Variants in NAV1 observed in about 807,000 individuals in gnomAD.
NAV1 encodes pore membrane and/or filament interacting like protein 3.
Under a neutral mutation model 175.2 loss-of-function variants are expected in NAV1, and 18 were observed. That is an observed-to-expected ratio of 0.10 (90% CI 0.07 to 0.15). The LOEUF (loss-of-function observed/expected upper bound fraction) is 0.15. Ranked by LOEUF, NAV1 falls within the 10% of genes least tolerant of loss-of-function variation. The probability of loss-of-function intolerance (pLI) is 1.00; values close to 1 mark genes in which losing one functional copy is unlikely to be tolerated. For missense variants in NAV1, 1,731 were observed against 2,436.6 expected (o/e 0.71, Z 6.10); for synonymous variants, 897 against 978.7 (o/e 0.92, Z 1.56).
In NAV1 at chr1:201,782,586, C is replaced by T. The variant is rs142676871; in HGVS notation, c.2074C>T (p.Arg692Cys). ...CGTGACCGGCGGGCGGGGTGGACCT[C>T]GCCCTGTGAGCAGCAGCATTGACCC... is the stretch of plus-strand genomic sequence containing the variant. The change falls in exon 6 of 30, where the codon CGC becomes TGC. Residue 692 changes from arginine to cysteine, a missense_variant. By Grantham distance (180) the Arg-to-Cys change is radical. This residue lies in a region of NAV1 where 634 missense variants were observed against 766.8 expected (regional missense o/e 0.83). Coordinates refer to ENST00000367296, the Ensembl canonical transcript of NAV1. The surrounding 1 kb of genome is among the most constrained non-coding windows in gnomAD (Gnocchi z 5.4). The T allele has an allele frequency of 9.3e-6, 15 of 1,612,856 alleles. No individual in the cohort carries two copies. Among genetic ancestry groups the T allele is most frequent in the African/African-American group, 4.0e-5 (3 of 74,870 alleles).
At chr1:201,563,348 AT>A (rs1330923787) in intron 1 of NAV1, among the ~76,000 whole-genome samples, 5 of 151,652 alleles carry the variant, frequency 3.3e-5, no homozygotes, top group African/African-American at 7.3e-5. Context: ...ACCCAACACG[AT>A]TTTTTTTCTG....
chr1:201,690,698 T>C (rs1382882147), intron 1 of NAV1, among the ~76,000 whole-genome samples: 1 of 151,610 alleles, frequency 6.6e-6, no homozygotes, highest in East Asian at 1.9e-4. Flanking sequence ...GCAGTGTGTG[T>C]GTCTGTTTCC....
At chr1:201,551,561 C>T (rs890019100) in intron 1 of NAV1, among the ~76,000 whole-genome samples, 36 of 152,178 alleles carry the variant, frequency 2.4e-4, no homozygotes, top group African/African-American at 8.7e-4. Context: ...TAGAACTTAA[C>T]CACAGACATC....
rs112463340 is a variant in NAV1, at chr1:201,780,633, G to C, written c.1365+74G>C. 8.9e-4 allele frequency: 1,402 copies of C among 1,573,490 alleles called. 19 individuals are homozygous for C. The African/African-American group carries it at 0.017, about 19-fold the overall frequency. The stretch of plus-strand genomic sequence containing the variant: ...GGGCAAATGGCATTATCTGTGTATG[G>C]GGTTGCACGTACACACCCACTCCAT... On this transcript the variant is annotated intron_variant, in intron 4 of 29. Transcript: ENST00000367296.
chr1:201,809,819 C>T, intron 22 of NAV1, 127 bp from the exon 27 acceptor site: 1 of 961,868 alleles, frequency 1.0e-6, no homozygotes, highest in Non-Finnish European at 1.5e-6. Flanking sequence ...AGAAATGCTA[C>T]CTAGGAAAAG....
intron 1 of NAV1, chr1:201,673,964 G>A (rs1889943): frequency 0.35 from 53,201 of 152,044 alleles, 9,629 homozygotes; most frequent in Admixed American, 0.47. Flanking sequence ...GCCTTGAAGC[G>A]GCAACCAAAG....
At chr1:201,780,280 A>G in intron 3 of NAV1, 141 bp from the exon 8 acceptor site, 1 of 847,406 alleles carries the variant, frequency 1.2e-6, no homozygotes, top group Non-Finnish European at 1.8e-6. Flanking sequence ...GTTGCTGACA[A>G]ACCTAGGACA....
intron 1 of NAV1, among the ~76,000 whole-genome samples, chr1:201,566,326 C>T (rs1386902297): frequency 3.3e-5 from 5 of 152,042 alleles, no homozygotes; most frequent in African/African-American, 1.2e-4. Flanking sequence ...AGGAAGGCTT[C>T]CCCCTGAGCC....
rs1676404745 is a variant in NAV1 at position 201,782,630 on chromosome 1, G to C, written c.2118G>C (p.Lys706Asn). 6.2e-7 allele frequency: 1 copy of C among 1,614,122 alleles called. No individual in the cohort carries two copies. The highest frequency in any genetic ancestry group is 8.5e-7 in the Non-Finnish European group (1 of 1,180,028). The change falls in exon 6 of 30, where the codon AAG becomes AAC. Residue 706 changes from lysine (K) to asparagine (N), a missense_variant. Physicochemically the swap from Lys to Asn is moderately conservative, Grantham distance 94. Around this residue, in one of 13 missense-constraint regions of NAV1, gnomAD observed 634 missense variants for 766.8 expected, o/e 0.83. Coordinates refer to ENST00000367296, the Ensembl canonical transcript of NAV1. This position sits in a 1 kb window ranked among gnomAD's most constrained non-coding sequence, Gnocchi z 5.4. ...TTGACCCCAGTCTCCTCAGCACCAA[G>C]CAGGGAGGCCTTACGCCTTCCAGAC...
intron 1 of NAV1, among the ~76,000 whole-genome samples, chr1:201,662,686 C>T (rs1371479083): frequency 2.6e-5 from 4 of 152,176 alleles, no homozygotes; most frequent in African/African-American, 9.7e-5. Context: ...CCATAGATGA[C>T]CAGTAAAGCT....
chr1:201,758,388 C>T (rs1369400830), intron 3 of NAV1, among the ~76,000 whole-genome samples: 1 of 152,220 alleles, frequency 6.6e-6, no homozygotes, highest in African/African-American at 2.4e-5. Flanking sequence ...CCAACCTGAG[C>T]AAATATGTAA....
chr1:201,701,928 G>A (rs1027813988), intron 1 of NAV1, among the ~76,000 whole-genome samples: 5 of 152,336 alleles, frequency 3.3e-5, no homozygotes, highest in African/African-American at 4.8e-5. Context: ...AGGCATGGAC[G>A]TGAATTTCAT....
At chr1:201,646,239 G>A (rs991814867), upstream of NAV1, among the ~76,000 whole-genome samples, 2 of 152,142 alleles carry the variant, frequency 1.3e-5, no homozygotes, top group South Asian at 2.1e-4. Context: ...CTGGAACCAC[G>A]AACCCTAGTT....
In NAV1 at chr1:201,753,772, C is replaced by G. The variant is rs143409846; in HGVS notation, c.1227-26649C>G. Among the ~76,000 whole-genome samples the G allele has an allele frequency of 7.9e-5, 12 of 152,286 alleles. No homozygotes were observed. The East Asian group carries it at 9.6e-4, about 12-fold the overall frequency. On this transcript the variant is annotated intron_variant, in intron 3 of 29. Coordinates refer to ENST00000367296, the Ensembl canonical transcript of NAV1. The stretch of plus-strand genomic sequence containing the variant: ...GGCAAACTCCACATAGGAGCACATT[C>G]CAGAAACACACTGGGGGTTACATAA...
At position 201,648,717 on chromosome 1, in the gene NAV1, A is replaced by G; in HGVS notation, c.49A>G (p.Ser17Gly). 5 of 1,419,964 alleles carry G rather than the reference A, an allele frequency of 3.5e-6. No individual in the cohort carries two copies. The highest frequency in any genetic ancestry group is 4.6e-6 in the Non-Finnish European group (5 of 1,091,658). The allele number at this position is 1,419,964 out of a possible 1,614,324, so 88.0% of individuals were successfully genotyped here. The stretch of plus-strand genomic sequence containing the variant: ...CGTGCAGCCCGAGGTGGAGCTGAGC[A>G]GCGGCGGCGGCGACGAGGGCGCGGA... Residue 17 changes from serine (S) to glycine (G), a missense_variant, in exon 1 of 30, where the codon AGC (serine) becomes GGC (glycine). Ser to Gly is a moderately conservative substitution (Grantham distance 56). Around this residue, in one of 13 missense-constraint regions of NAV1, gnomAD observed 487 missense variants for 581.3 expected, o/e 0.84. Coordinates refer to ENST00000367296, the Ensembl canonical transcript of NAV1.
At chr1:201,735,365 T>C (rs573350860) in intron 3 of NAV1, among the ~76,000 whole-genome samples, 2 of 152,364 alleles carry the variant, frequency 1.3e-5, no homozygotes, top group African/African-American at 4.8e-5. Context: ...AAGTCCTTTT[T>C]GGCTCAAACG....
intron 2 of NAV1, among the ~76,000 whole-genome samples, chr1:201,591,504 C>A (rs1469933709): frequency 6.6e-6 from 1 of 152,178 alleles, no homozygotes; most frequent in East Asian, 1.9e-4. Flanking sequence ...GCTGCAGGGG[C>A]TGAGCAGGCC....
intron 1 of NAV1, among the ~76,000 whole-genome samples, chr1:201,667,031 T>C (rs180844926): frequency 3.9e-4 from 59 of 152,078 alleles, no homozygotes; most frequent in African/African-American, 8.0e-4. Flanking sequence ...CCTGAGAGTG[T>C]GGGCGCAGCT....
chr1:201,789,347 G>A lies in NAV1; in HGVS notation c.3167-393G>A, dbSNP rs377440772. Among the ~76,000 whole-genome samples the A allele has an allele frequency of 5.9e-5, 9 of 152,266 alleles. No homozygotes were observed. The East Asian group carries it at 7.7e-4, about 13-fold the overall frequency. ...TCCCCCAGTGCTGAGAGGAGGAGGC[G>A]CGGGCAGAATTTCAGTATTTGTTCT... On this transcript the variant is annotated intron_variant, in intron 10 of 29. Coordinates refer to ENST00000367296, the Ensembl canonical transcript of NAV1.
Sources: allele counts gnomAD v4.1 joint callset (sites outside exome capture counted in the v4.1 genomes callset), GRCh38; gene constraint gnomAD v4.1.1; regional missense constraint gnomAD v4.1.1; non-coding constraint Gnocchi (gnomAD v3.1); transcripts MANE v1.5; gene names NCBI Gene and HGNC (gene_info 2026-07-23, HGNC 2026-07-21).